NF2: variants seen among roughly 807,000 people sequenced by gnomAD.
NF2 encodes NF2, moesin-ezrin-radixin like (MERLIN) tumor suppressor, also known as merlin.
A neutral mutation model predicts 83.7 loss-of-function variants in NF2; 8 were observed. That is an observed-to-expected ratio of 0.10 (90% CI 0.06 to 0.17). The LOEUF (loss-of-function observed/expected upper bound fraction) is 0.17, where lower values mean the gene tolerates loss of function less well. Among genes scored for constraint, NF2 ranks in the 10% least tolerant of loss-of-function variants. The pLI, the probability that NF2 is intolerant of heterozygous loss-of-function variation, is 1.00. For missense variants in NF2, 533 were observed against 744.4 expected, an observed-to-expected ratio of 0.72 and a Z score of 3.31; for synonymous variants, 266 against 269.6, an observed-to-expected ratio of 0.99 and a Z score of 0.13.
chr22:29,641,681 G>A (rs118175651), intron 3 of NF2, among the ~76,000 whole-genome samples: 103 of 152,288 alleles, frequency 6.8e-4, no homozygotes, highest in Non-Finnish European at 1.3e-3. Flanking sequence ...TGGACCTCAC[G>A]TGTACTTAAA....
chr22:29,674,598 A>G (rs2066905104), intron 12 of NF2, among the ~76,000 whole-genome samples: 1 of 152,048 alleles, frequency 6.6e-6, no homozygotes, highest in Non-Finnish European at 1.5e-5. Context: ...CTCATTCCCC[A>G]CCAGTTTTCC....
At chr22:29,619,279 A>T (rs1012633712) in intron 1 of NF2, among the ~76,000 whole-genome samples, 1 of 152,164 alleles carries the variant, frequency 6.6e-6, no homozygotes, top group Non-Finnish European at 1.5e-5. Context: ...TCCTGACCTC[A>T]GGTGATCCAC....
intron 4 of NF2, among the ~76,000 whole-genome samples, chr22:29,643,509 C>A (rs201183286): frequency 0.13 from 19,915 of 152,094 alleles, 1,588 homozygotes; most frequent in East Asian, 0.2. Flanking sequence ...AGCATGCTGC[C>A]TTCAAGCATC....
At chr22:29,673,810 A>G (rs2066882150) in intron 12 of NF2, among the ~76,000 whole-genome samples, 1 of 152,148 alleles carries the variant, frequency 6.6e-6, no homozygotes, top group South Asian at 2.1e-4. Flanking sequence ...TCAGCTGAAG[A>G]GATGTGAGGA....
At chr22:29,637,439 A>G (rs2065678512) in intron 2 of NF2, among the ~76,000 whole-genome samples, 1 of 152,166 alleles carries the variant, frequency 6.6e-6, no homozygotes, top group South Asian at 2.1e-4. Context: ...GGCAATTTTA[A>G]TGTGGCTTGG....
At chr22:29,664,772 T>C (rs1022515801) in intron 8 of NF2, among the ~76,000 whole-genome samples, 3 of 152,212 alleles carry the variant, frequency 2.0e-5, no homozygotes, top group African/African-American at 4.8e-5. Context: ...ATGCCTAAGA[T>C]GGTCTAGAGA....
At chr22:29,615,184 G>GA (rs2065052836) in intron 1 of NF2, among the ~76,000 whole-genome samples, 2 of 152,042 alleles carry the variant, frequency 1.3e-5, no homozygotes, top group Admixed American at 6.6e-5. Flanking sequence ...ACTCTGTCTG[G>GA]AAAAAACAAA....
rs566795211 is a variant in NF2 at position 29,625,215 on chromosome 22, T to C, written c.115-11536T>C. ...GTGTTGGGATTACAGGCACGAGCCA[T>C]TGCACCCGGCCAGATCTTCTTTTTT... is the stretch of plus-strand genomic sequence containing the variant. On this transcript the variant is annotated intron_variant, in intron 1 of 15. Coordinates refer to ENST00000338641, the MANE Select transcript of NF2 (RefSeq NM_000268.4). 1.2e-3 allele frequency among the ~76,000 whole-genome samples: 177 copies of C among 152,240 alleles called. 1 individual carries two copies. Among genetic ancestry groups the C allele is most frequent in the African/African-American group, 3.9e-3 (164 of 41,560 alleles).
chr22:29,619,624 T>C (rs2065163885), intron 1 of NF2, among the ~76,000 whole-genome samples: 1 of 151,742 alleles, frequency 6.6e-6, no homozygotes, highest in African/African-American at 2.4e-5. Context: ...CTTGAACTCC[T>C]GACCTCATGA....
At chr22:29,674,346 G>A (rs1032811525) in intron 12 of NF2, among the ~76,000 whole-genome samples, 4 of 152,234 alleles carry the variant, frequency 2.6e-5, no homozygotes, top group Admixed American at 2.0e-4. Flanking sequence ...GGGTGCGGGT[G>A]CCCTCAGTGA....
Position 29,641,378 on chromosome 22 carries a change from C to T in NF2, c.364-824C>T, listed in dbSNP as rs113832069. ...TATAGAAATGGCTTTCTTGTAAGTA[C>T]TTGGAAGCACTGCCTGTCTCTTGTG... On this transcript the variant is annotated intron_variant, in intron 3 of 15. Coordinates refer to ENST00000338641, the MANE Select transcript of NF2 (RefSeq NM_000268.4). Among the ~76,000 whole-genome samples, 123 of 152,310 alleles carry T rather than the reference C, an allele frequency of 8.1e-4. 3 individuals carry two copies. Among genetic ancestry groups the T allele is most frequent in the African/African-American group, 2.9e-3 (120 of 41,570 alleles).
At chr22:29,654,127 TTGTC>T (rs1171778359) in intron 4 of NF2, among the ~76,000 whole-genome samples, 1 of 152,220 alleles carries the variant, frequency 6.6e-6, no homozygotes, top group Non-Finnish European at 1.5e-5. Context: ...ACTCACTTCT[TTGTC>T]TGTACAATAG....
At chr22:29,650,153 G>A (rs1436349441) in intron 4 of NF2, among the ~76,000 whole-genome samples, 4 of 152,106 alleles carry the variant, frequency 2.6e-5, no homozygotes, top group Non-Finnish European at 4.4e-5. Flanking sequence ...GGTGATGGTT[G>A]CACAAGATTC....
Position 29,698,269 on chromosome 22 carries a change from CTT to C in NF2, c.*3469_*3470del, listed in dbSNP as rs1294542310. On this transcript the variant is annotated 3_prime_UTR_variant, in exon 16 of 16. Coordinates refer to ENST00000338641, the MANE Select transcript of NF2 (RefSeq NM_000268.4). ...TGTAATTTTGGGGACAGGTTTCTCT[CTT>C]TCCCTCTCTTTTTTTTGTCAAAAGC... The C allele has an allele frequency of 8.8e-6, 2 of 227,708 alleles. No individual in the cohort carries two copies. The highest frequency in any genetic ancestry group is 6.2e-5 in the East Asian group (1 of 16,114). The allele number at this position is 227,708 out of a possible 1,614,324, so 14.1% of individuals were successfully genotyped here.
At chr22:29,651,222 T>C (rs2066138607) in intron 4 of NF2, among the ~76,000 whole-genome samples, 1 of 152,194 alleles carries the variant, frequency 6.6e-6, no homozygotes, top group African/African-American at 2.4e-5. Flanking sequence ...TTATCTCATT[T>C]CTCATAGTTA....
intron 15 of NF2, chr22:29,683,421 A>T: frequency 7.9e-7 from 1 of 1,270,560 alleles, no homozygotes; most frequent in Non-Finnish European, 1.0e-6. Flanking sequence ...CCTAGCATGG[A>T]AATGGGGTCA....
At chr22:29,682,196 C>T (rs143263463) in intron 15 of NF2, among the ~76,000 whole-genome samples, 17 of 152,078 alleles carry the variant, frequency 1.1e-4, no homozygotes, top group East Asian at 5.8e-4. Flanking sequence ...ATTATCAGCC[C>T]AAGAGCATAC....
At chr22:29,673,939 C>G (rs2147087237) in intron 12 of NF2, among the ~76,000 whole-genome samples, 1 of 152,334 alleles carries the variant, frequency 6.6e-6, no homozygotes, top group Non-Finnish European at 1.5e-5. Context: ...CCCAGCCTTT[C>G]TTGGCACATG....
intron 8 of NF2, among the ~76,000 whole-genome samples, chr22:29,661,998 T>C (rs1425599507): frequency 6.6e-6 from 1 of 152,196 alleles, no homozygotes; most frequent in Non-Finnish European, 1.5e-5. Context: ...AGATAAATGC[T>C]CTTAGAATTT....
Sources: allele counts gnomAD v4.1 joint callset (sites outside exome capture counted in the v4.1 genomes callset), GRCh38; gene constraint gnomAD v4.1.1; transcripts MANE v1.5; gene names NCBI Gene and HGNC (gene_info 2026-07-23, HGNC 2026-07-21).